Variants in PAPPA observed in about 807,000 individuals in gnomAD.
PAPPA encodes the protein pappalysin 1.
In PAPPA, 60 loss-of-function variants were observed where a neutral mutation model predicts 164.0. That is an observed-to-expected ratio of 0.37 (90% CI 0.30 to 0.45). The LOEUF is 0.45. PAPPA is among the 20% of genes least tolerant of loss of function. The probability of loss-of-function intolerance (pLI) is 1.00; values close to 1 mark genes in which losing one functional copy is unlikely to be tolerated. For missense variants in PAPPA, 1,782 were observed against 2,087.3 expected (o/e 0.85, Z 2.85); for synonymous variants, 875 against 814.1 (o/e 1.07, Z -1.27).
intron 5 of PAPPA, among the ~76,000 whole-genome samples, chr9:116,221,952 C>G (rs187412541): frequency 5.3e-5 from 8 of 152,146 alleles, no homozygotes; most frequent in Admixed American, 5.2e-4. Flanking sequence ...TGGCTATTAC[C>G]AAAAGGAGGA....
rs1324245335 is a variant in PAPPA at position 116,401,244 on chromosome 9, A to G, written c.*4628A>G. On this transcript the variant is annotated 3_prime_UTR_variant, in exon 22 of 22. Coordinates refer to ENST00000328252, the MANE Select transcript of PAPPA (RefSeq NM_002581.5). ...AAAGCTGATTATGTCCTACAATGTC[A>G]AAGTCAGCTAACTGTCGTCTACTTA... 1 of 152,578 alleles carries G rather than the reference A, an allele frequency of 6.6e-6. No individual in the cohort carries two copies. The highest frequency in any genetic ancestry group is 1.5e-5 in the Non-Finnish European group (1 of 68,038). The allele number at this position is 152,578 out of a possible 1,614,324, so 9.5% of individuals were successfully genotyped here.
chr9:116,236,345 G>A (rs1364919469), intron 7 of PAPPA, among the ~76,000 whole-genome samples: 1 of 151,996 alleles, frequency 6.6e-6, no homozygotes, highest in East Asian at 1.9e-4. Context: ...AGCACTTTGG[G>A]AGGCCGAGGC....
intron 10 of PAPPA, among the ~76,000 whole-genome samples, chr9:116,322,159 A>G (rs1388649756): frequency 6.6e-6 from 1 of 152,082 alleles, no homozygotes; most frequent in Non-Finnish European, 1.5e-5. Flanking sequence ...AGGCGCGGTG[A>G]CTCACGCCTG....
rs200782696 is a variant in PAPPA at position 116,367,774 on chromosome 9, T to C, written c.4605+20T>C. On this transcript the variant is annotated intron_variant, in intron 19 of 21. Coordinates refer to ENST00000328252, the MANE Select transcript of PAPPA (RefSeq NM_002581.5). ...GTAGAGGTGAGTGACCAGGGACATC[T>C]ACCCACCTGCAGCTAAGGGGGAGGG... 1.5e-5 allele frequency: 23 copies of C among 1,499,812 alleles called. No homozygotes were observed. The African/African-American group carries it at 3.0e-4, about 20-fold the overall frequency. 92.9% of individuals were successfully genotyped at this position (1,499,812 alleles called of 1,614,324 possible).
At chr9:116,364,375 A>G (rs568654411) in intron 18 of PAPPA, among the ~76,000 whole-genome samples, 8 of 152,334 alleles carry the variant, frequency 5.3e-5, no homozygotes, top group African/African-American at 1.9e-4. Flanking sequence ...ATTCAAATAC[A>G]TTCACACGTG....
intron 7 of PAPPA, among the ~76,000 whole-genome samples, chr9:116,246,669 C>A (rs1844800230): frequency 6.6e-6 from 1 of 152,074 alleles, no homozygotes; most frequent in South Asian, 2.1e-4. Context: ...CAGAAATGAT[C>A]AGAGTCTAGA....
intron 21 of PAPPA, among the ~76,000 whole-genome samples, chr9:116,383,947 G>A (rs576621140): frequency 5.2e-4 from 79 of 152,234 alleles, no homozygotes; most frequent in African/African-American, 1.8e-3. Context: ...GAAAACAAAA[G>A]AATTCACTTA....
chr9:116,384,880 G>A (rs1020723053), intron 21 of PAPPA, among the ~76,000 whole-genome samples: 4 of 152,232 alleles, frequency 2.6e-5, no homozygotes, highest in Admixed American at 6.5e-5. Context: ...TGACACCAAC[G>A]GTTGGAGAAA....
At chr9:116,348,963 T>C (rs1450601115) in intron 15 of PAPPA, among the ~76,000 whole-genome samples, 1 of 152,142 alleles carries the variant, frequency 6.6e-6, no homozygotes, top group Non-Finnish European at 1.5e-5. Context: ...AGCACTAATT[T>C]TAAACAGGCA....
intron 7 of PAPPA, among the ~76,000 whole-genome samples, chr9:116,237,355 A>AT (rs1368637442): frequency 1.3e-5 from 2 of 152,202 alleles, no homozygotes; most frequent in Non-Finnish European, 2.9e-5. Flanking sequence ...TGTCTCTTCC[A>AT]TCTCCTCACT....
At chr9:116,197,111 T>C (rs943589628) in intron 2 of PAPPA, among the ~76,000 whole-genome samples, 6 of 152,240 alleles carry the variant, frequency 3.9e-5, no homozygotes, top group Non-Finnish European at 8.8e-5. Context: ...GCATGAAGTA[T>C]GACACTTTTC....
intron 10 of PAPPA, among the ~76,000 whole-genome samples, chr9:116,316,878 C>T (rs762908896): frequency 2.0e-5 from 3 of 152,060 alleles, no homozygotes; most frequent in African/African-American, 2.4e-5. Flanking sequence ...AGGAAGAGAG[C>T]GAATCATGTA....
intron 1 of PAPPA, among the ~76,000 whole-genome samples, chr9:116,167,564 T>C (rs1319320969): frequency 6.6e-6 from 1 of 152,130 alleles, no homozygotes. Flanking sequence ...CCAGATATGC[T>C]CAATGGAGCC....
intron 21 of PAPPA, among the ~76,000 whole-genome samples, chr9:116,385,183 G>A (rs963178562): frequency 2.6e-5 from 4 of 151,680 alleles, no homozygotes; most frequent in Non-Finnish European, 2.9e-5. Context: ...GCGGTGAGCC[G>A]ATATCGTGCC....
rs553210197 is a variant in PAPPA at position 116,367,410 on chromosome 9, G to C, written c.4496-235G>C. Among the ~76,000 whole-genome samples the C allele has an allele frequency of 2.6e-5, 4 of 152,298 alleles. No individual in the cohort carries two copies. The South Asian group carries it at 8.3e-4, about 32-fold the overall frequency. ...GCAGAGGAGGAGCTTGATCAAACTA[G>C]GGTCAGAGCCAATGAGTGTGGCAGC... On this transcript the variant is annotated intron_variant, in intron 18 of 21. Coordinates refer to ENST00000328252, the MANE Select transcript of PAPPA (RefSeq NM_002581.5).
At chr9:116,156,330 ATGTG>A (rs1554730864) in intron 1 of PAPPA, among the ~76,000 whole-genome samples, 1 of 82,230 alleles carries the variant, frequency 1.2e-5, no homozygotes, top group Non-Finnish European at 3.1e-5. Context: ...GTATATATAT[ATGTG>A]TATATATATA....
At chr9:116,338,016 G>C (rs1564231631) in intron 13 of PAPPA, among the ~76,000 whole-genome samples, 1 of 152,128 alleles carries the variant, frequency 6.6e-6, no homozygotes, top group African/African-American at 2.4e-5. Flanking sequence ...GTGTGGGGTG[G>C]TTAATAGGCT....
chr9:116,392,416 C>T (rs1266691815), intron 21 of PAPPA, among the ~76,000 whole-genome samples: 2 of 152,100 alleles, frequency 1.3e-5, no homozygotes, highest in African/African-American at 2.4e-5. Flanking sequence ...TTCTCATCTG[C>T]AAGATGGGGA....
At chr9:116,311,848 A>G (rs1233132861) in intron 10 of PAPPA, among the ~76,000 whole-genome samples, 1 of 152,218 alleles carries the variant, frequency 6.6e-6, no homozygotes, top group Non-Finnish European at 1.5e-5. Context: ...AAAAATGTGT[A>G]AGAGAGGAAA....
Sources: gnomAD v4.1 joint callset for allele counts (sites outside exome capture counted in the v4.1 genomes callset) on GRCh38, gnomAD v4.1.1 for gene constraint, MANE v1.5 for transcripts, NCBI Gene and HGNC (gene_info 2026-07-23, HGNC 2026-07-21) for gene names.